SLC6A16: variants seen among roughly 807,000 people sequenced by gnomAD.
SLC6A16 encodes orphan sodium- and chloride-dependent neurotransmitter transporter NTT5.
SLC6A16 carries 54 observed loss-of-function variants against 65.4 expected under a neutral mutation model. That is an observed-to-expected ratio of 0.83 (90% CI 0.66 to 1.04). The LOEUF (loss-of-function observed/expected upper bound fraction) is 1.04, where lower values mean the gene tolerates loss of function less well. Ranked by LOEUF, SLC6A16 falls within the 50% of genes least tolerant of loss-of-function variation. SLC6A16 has a pLI of 0.00. For synonymous variants in SLC6A16, 330 were observed against 346.5 expected, an observed-to-expected ratio of 0.95 and a Z score of 0.53; for missense variants, 816 against 914.0, an observed-to-expected ratio of 0.89 and a Z score of 1.38.
Position 49,292,484 on chromosome 19 carries a change from T to C in SLC6A16, c.1778+739A>G, listed in dbSNP as rs530619223. The stretch of plus-strand genomic sequence containing the variant: ...CATAAATACCTTTTTAAAAAACAAA[T>C]CTAATAATGGCACTCCCACCTGAAA... On this transcript the variant is annotated intron_variant, in intron 10 of 11. Coordinates refer to ENST00000335875, the MANE Select transcript of SLC6A16 (RefSeq NM_014037.3). This position sits in a 1 kb window ranked among gnomAD's most constrained non-coding sequence, Gnocchi z 4.3. 3.3e-5 allele frequency among the ~76,000 whole-genome samples: 5 copies of C among 152,252 alleles called. No homozygotes were observed. The South Asian group carries it at 1.0e-3, about 32-fold the overall frequency.
At position 49,294,411 on chromosome 19, in the gene SLC6A16, G is replaced by C; in HGVS notation, c.1372C>G (p.Leu458Val). Residue 458 changes from leucine to valine, a missense_variant, in exon 8 of 12, where the codon CTC becomes GTC. Physicochemically the swap from Leu to Val is conservative, Grantham distance 32. Transcript: ENST00000335875. Reference sequence around the variant, plus strand: ...ATGTTGCACTCAGTCACCTCGCGGAGAACCATGCTTTTGATGTGCTGGGGA... The same window carrying C: ...ATGTTGCACTCAGTCACCTCGCGGACAACCATGCTTTTGATGTGCTGGGGA... ...GLPQHIKSMV[L>V]REVTECNIET... 6.2e-7 allele frequency: 1 copy of C among 1,614,162 alleles called. No homozygotes were observed. The highest frequency in any genetic ancestry group is 8.5e-7 in the Non-Finnish European group (1 of 1,180,030).
intron 1 of SLC6A16, among the ~76,000 whole-genome samples, chr19:49,315,748 CTT>C (rs763052244): frequency 4.0e-5 from 6 of 151,708 alleles, no homozygotes; most frequent in Admixed American, 2.0e-4. Flanking sequence ...CGGAGAAAAA[CTT>C]TTAGCAAACC....
chr19:49,310,217 G>C (rs1970488835), intron 3 of SLC6A16, 51 bp from the exon 4 acceptor site: 13 of 1,611,654 alleles, frequency 8.1e-6, no homozygotes, highest in Non-Finnish European at 1.1e-5. Flanking sequence ...GACAGGAAAA[G>C]GGAGGGGATT....
At chr19:49,327,041 C>T (rs138390689), upstream of SLC6A16, among the ~76,000 whole-genome samples, 2 of 150,342 alleles carry the variant, frequency 1.3e-5, no homozygotes, top group Non-Finnish European at 3.0e-5. Context: ...AAAAGTGCTG[C>T]GACAGAAAAG....
chr19:49,309,944 T>C, intron 4 of SLC6A16, 96 bp downstream of exon 4: 1 of 1,480,416 alleles, frequency 6.8e-7, no homozygotes, highest in South Asian at 1.2e-5. Context: ...TTCTTCTTCC[T>C]CTTCCTTGTC....
chr19:49,309,518 A>G, intron 5 of SLC6A16, 107 bp from the exon 6 acceptor site: 1 of 1,258,212 alleles, frequency 7.9e-7, no homozygotes, highest in South Asian at 1.3e-5. Context: ...GTTAGAAGAA[A>G]GCCTTCAGCA....
rs1970507990 is a variant in SLC6A16 at position 49,310,978 on chromosome 19, A to G, written c.370T>C (p.Ser124Pro). ...LAQVGFSMKP[S>P]CLWRFAYLWL... ...AGGTAGGCAAAGCGCCAGAGACAAG[A>G]TGGCTTCATAGAGAAGCCCACCTGA... The change falls in exon 2 of 12, where the codon TCT (serine) becomes CCT (proline). Residue 124 changes from serine to proline, a missense_variant. By Grantham distance (74) the Ser-to-Pro change is moderately conservative. Coordinates refer to ENST00000335875, the MANE Select transcript of SLC6A16 (RefSeq NM_014037.3). The G allele has an allele frequency of 6.2e-7, 1 of 1,614,080 alleles. No individual in the cohort carries two copies. Among genetic ancestry groups the G allele is most frequent in the Non-Finnish European group, 8.5e-7 (1 of 1,180,034 alleles).
chr19:49,298,411 C>A (rs1970223667), intron 7 of SLC6A16, among the ~76,000 whole-genome samples: 1 of 151,892 alleles, frequency 6.6e-6, no homozygotes, highest in Non-Finnish European at 1.5e-5. Context: ...AATAAATAAC[C>A]CCATTTAAAA....
chr19:49,335,660 C>G, the SLC6A16 span: 1 of 1,609,890 alleles, frequency 6.2e-7, no homozygotes, highest in African/African-American at 1.3e-5. This position sits in a 1 kb window ranked among gnomAD's most constrained non-coding sequence, Gnocchi z 4.6. Context: ...GCCGCTAACC[C>G]AGCCCTCATC....
At chr19:49,296,192 G>C (rs750736610) in intron 7 of SLC6A16, among the ~76,000 whole-genome samples, 6 of 152,120 alleles carry the variant, frequency 3.9e-5, no homozygotes, top group Admixed American at 6.5e-5. Flanking sequence ...TCATCGTGTT[G>C]GCCAGGCTGG....
the SLC6A16 span, chr19:49,337,659 C>T: frequency 2.0e-6 from 3 of 1,518,380 alleles, no homozygotes; most frequent in South Asian, 1.2e-5. Flanking sequence ...GGGAGACAGG[C>T]ATAAACAGCT....
intron 9 of SLC6A16, 67 bp from the exon 10 acceptor site, chr19:49,293,449 G>T: frequency 6.6e-7 from 1 of 1,510,956 alleles, no homozygotes; most frequent in Non-Finnish European, 9.1e-7. Flanking sequence ...CTAAGTAGAG[G>T]CCATAGACCA....
chr19:49,332,336 C>T, the SLC6A16 span: 1 of 453,602 alleles, frequency 2.2e-6, no homozygotes, highest in East Asian at 7.0e-5. Context: ...GTGGGTGGAT[C>T]ACGAGGTCAG....
intron 7 of SLC6A16, among the ~76,000 whole-genome samples, chr19:49,300,166 T>C (rs1335205704): frequency 6.6e-6 from 1 of 152,142 alleles, no homozygotes; most frequent in Non-Finnish European, 1.5e-5. Context: ...ATAATATCTT[T>C]GCATTTTAGC....
chr19:49,335,538 A>T, the SLC6A16 span: 2 of 1,612,670 alleles, frequency 1.2e-6, no homozygotes, highest in Non-Finnish European at 1.7e-6. The surrounding 1 kb of genome is among the most constrained non-coding windows in gnomAD (Gnocchi z 4.6). Flanking sequence ...CCACTAGGTG[A>T]AGATGTCAGC....
At chr19:49,294,171 C>G (rs1264157938) in intron 8 of SLC6A16, 143 bp from the exon 9 acceptor site, 2 of 910,584 alleles carry the variant, frequency 2.2e-6, no homozygotes. Context: ...AAGCTAACCC[C>G]CTGACATGGA....
At chr19:49,301,006 A>G (rs1418754754) in intron 7 of SLC6A16, among the ~76,000 whole-genome samples, 2 of 152,146 alleles carry the variant, frequency 1.3e-5, no homozygotes, top group Non-Finnish European at 2.9e-5. Context: ...AGCCGAGATC[A>G]GGCCACTGCA....
intron 7 of SLC6A16, among the ~76,000 whole-genome samples, chr19:49,307,494 G>C (rs1381921859): frequency 6.6e-6 from 1 of 151,916 alleles, no homozygotes; most frequent in African/African-American, 2.4e-5. Flanking sequence ...TATATTCCCA[G>C]GCATCTTCTA....
chr19:49,307,050 A>ATTTTTTTTTTT (rs1406151575), intron 7 of SLC6A16, among the ~76,000 whole-genome samples: 1 of 18,974 alleles, frequency 5.3e-5, no homozygotes, highest in Non-Finnish European at 8.9e-5. Context: ...TGTTTTATAC[A>ATTTTTTTTTTT]CTTTTTTTTT....
Sources: gnomAD v4.1 joint callset for allele counts (sites outside exome capture counted in the v4.1 genomes callset) on GRCh38, gnomAD v4.1.1 for gene constraint, Gnocchi (gnomAD v3.1) non-coding constraint, MANE v1.5 for transcripts, NCBI Gene and HGNC (gene_info 2026-07-23, HGNC 2026-07-21) for gene names.